The following DYNC1I1 variants were observed in gnomAD, a reference collection of about 807,000 sequenced individuals.
DYNC1I1 encodes the protein cytoplasmic dynein 1 intermediate chain 1.
A neutral mutation model predicts 86.6 loss-of-function variants in DYNC1I1; 43 were observed. The ratio of observed to expected loss-of-function variants is 0.50; its 90% CI spans 0.39 to 0.64. The LOEUF (loss-of-function observed/expected upper bound fraction) is 0.64. Among genes scored for constraint, DYNC1I1 ranks in the 30% least tolerant of loss-of-function variants. The probability of loss-of-function intolerance (pLI) is 0.00; values close to 1 mark genes in which losing one functional copy is unlikely to be tolerated. For synonymous variants in DYNC1I1, 262 were observed against 283.7 expected (o/e 0.92, Z 0.77); for missense variants, 604 against 788.8 (o/e 0.77, Z 2.81).
chr7:96,090,228 T>A (rs975953914), intron 16 of DYNC1I1, among the ~76,000 whole-genome samples: 3 of 151,970 alleles, frequency 2.0e-5, no homozygotes, highest in Non-Finnish European at 2.9e-5. Context: ...AACTCTTTCT[T>A]CGGATATTTG....
chr7:95,960,403 G>A (rs79704814), intron 6 of DYNC1I1, among the ~76,000 whole-genome samples: 3 of 152,036 alleles, frequency 2.0e-5, no homozygotes, highest in South Asian at 2.1e-4. Context: ...CACCACGCCC[G>A]GCCAAATGCT....
intron 5 of DYNC1I1, among the ~76,000 whole-genome samples, chr7:95,838,317 T>A (rs1015440820): frequency 6.6e-6 from 1 of 152,220 alleles, no homozygotes; most frequent in Non-Finnish European, 1.5e-5. Flanking sequence ...CCATTTTGTA[T>A]TCTTGTCTGT....
intron 10 of DYNC1I1, among the ~76,000 whole-genome samples, chr7:95,996,469 T>A (rs1300449210): frequency 6.6e-6 from 1 of 152,158 alleles, no homozygotes; most frequent in Non-Finnish European, 1.5e-5. Flanking sequence ...GTTCAATGGA[T>A]TTTGCTGACT....
intron 10 of DYNC1I1, among the ~76,000 whole-genome samples, chr7:96,021,467 G>A (rs1403434484): frequency 6.6e-6 from 1 of 152,026 alleles, no homozygotes; most frequent in Admixed American, 6.6e-5. Context: ...AAATAAGGTT[G>A]GTAAGTTTCA....
intron 6 of DYNC1I1, among the ~76,000 whole-genome samples, chr7:95,965,611 G>C (rs573386784): frequency 6.6e-6 from 1 of 152,268 alleles, no homozygotes; most frequent in East Asian, 1.9e-4. Context: ...CTAAATTGTA[G>C]AAATGTGAAA....
intron 6 of DYNC1I1, among the ~76,000 whole-genome samples, chr7:95,935,074 T>A (rs1792003763): frequency 6.6e-6 from 1 of 152,052 alleles, no homozygotes. Flanking sequence ...AGCAGATCTC[T>A]AGAGCTTATT....
At chr7:95,814,153 A>G (rs1247492372) in intron 4 of DYNC1I1, among the ~76,000 whole-genome samples, 1 of 152,178 alleles carries the variant, frequency 6.6e-6, no homozygotes, top group Non-Finnish European at 1.5e-5. Context: ...GCCCCCTCAT[A>G]GCTCAAGCTG....
intron 6 of DYNC1I1, among the ~76,000 whole-genome samples, chr7:95,893,052 G>A (rs940373408): frequency 6.6e-6 from 1 of 152,052 alleles, no homozygotes; most frequent in Non-Finnish European, 1.5e-5. Context: ...TTCTTAATAA[G>A]TCTTTATATA....
intron 16 of DYNC1I1, among the ~76,000 whole-genome samples, chr7:96,095,744 CTTAGTTGGT>C (rs1434997382): frequency 3.3e-5 from 5 of 151,850 alleles, no homozygotes; most frequent in African/African-American, 9.7e-5. Context: ...GATACCAACC[CTTAGTTGGT>C]TATGGTTTTC....
chr7:96,019,864 G>C (rs1794498746), intron 10 of DYNC1I1, among the ~76,000 whole-genome samples: 1 of 152,110 alleles, frequency 6.6e-6, no homozygotes, highest in South Asian at 2.1e-4. Context: ...AGTGTTTAGA[G>C]ATTTTTCTTC....
At chr7:96,034,540 C>T (rs1794888366) in intron 12 of DYNC1I1, among the ~76,000 whole-genome samples, 1 of 152,160 alleles carries the variant, frequency 6.6e-6, no homozygotes, top group East Asian at 1.9e-4. Flanking sequence ...TTGGCCTGGT[C>T]TTTCTCTCTC....
At chr7:95,865,792 C>G (rs570753690) in intron 5 of DYNC1I1, among the ~76,000 whole-genome samples, 1 of 152,242 alleles carries the variant, frequency 6.6e-6, no homozygotes, top group Admixed American at 6.5e-5. Context: ...CTAGCCTAGA[C>G]GTATAGTAGG....
chr7:95,844,187 T>C (rs1482696648), intron 5 of DYNC1I1, among the ~76,000 whole-genome samples: 13 of 152,218 alleles, frequency 8.5e-5, no homozygotes, highest in Admixed American at 8.5e-4. Flanking sequence ...CTCCAAATTA[T>C]TAAACCTAGT....
At chr7:95,798,196 C>A (rs974712655) in intron 1 of DYNC1I1, among the ~76,000 whole-genome samples, 1 of 152,168 alleles carries the variant, frequency 6.6e-6, no homozygotes, top group Non-Finnish European at 1.5e-5. Flanking sequence ...ATTAGTAGAA[C>A]AGTCCTGAGC....
intron 6 of DYNC1I1, among the ~76,000 whole-genome samples, chr7:95,962,993 T>A (rs1262282875): frequency 6.6e-6 from 1 of 152,198 alleles, no homozygotes; most frequent in African/African-American, 2.4e-5. Context: ...ACTTGGTATT[T>A]ATCTTGGCAT....
chr7:95,965,119 G>A (rs1792975232), intron 6 of DYNC1I1, among the ~76,000 whole-genome samples: 1 of 152,190 alleles, frequency 6.6e-6, no homozygotes, highest in Admixed American at 6.5e-5. Context: ...TGAAGCAGCT[G>A]ACTGGCCATG....
chr7:95,991,870 A>G (rs1013188601), intron 9 of DYNC1I1, among the ~76,000 whole-genome samples: 1 of 151,652 alleles, frequency 6.6e-6, no homozygotes, highest in Non-Finnish European at 1.5e-5. Flanking sequence ...TTATTTATTT[A>G]TTTATTTTGA....
At chr7:95,810,550 G>T in intron 3 of DYNC1I1, 44 bp downstream of exon 3, 1 of 1,532,678 alleles carries the variant, frequency 6.5e-7, no homozygotes, top group South Asian at 1.2e-5. Flanking sequence ...AAATCAACTT[G>T]CGTGGGATAT....
intron 1 of DYNC1I1, among the ~76,000 whole-genome samples, chr7:95,802,113 TC>T (rs1264899045): frequency 1.3e-5 from 2 of 151,852 alleles, no homozygotes; most frequent in Admixed American, 6.6e-5. Flanking sequence ...ATCCCACTTC[TC>T]CCCCCATCTG....
Sources: gnomAD v4.1 joint callset for allele counts (sites outside exome capture counted in the v4.1 genomes callset) on GRCh38, gnomAD v4.1.1 for gene constraint, MANE v1.5 for transcripts, NCBI Gene and HGNC (gene_info 2026-07-23, HGNC 2026-07-21) for gene names.